NEIL2: variants seen among roughly 807,000 people sequenced by gnomAD.
NEIL2 encodes nei like DNA glycosylase 2.
In NEIL2, 23 loss-of-function variants were observed where a neutral mutation model predicts 22.2. The ratio of observed to expected loss-of-function variants is 1.04; its 90% CI spans 0.75 to 1.47. The LOEUF (loss-of-function observed/expected upper bound fraction) is 1.47. NEIL2 is among the 40% of genes most tolerant of loss of function. The pLI, the probability that NEIL2 is intolerant of heterozygous loss-of-function variation, is 0.00. For missense variants in NEIL2, 583 were observed against 404.7 expected (o/e 1.44, Z -3.78); for synonymous variants, 229 against 164.8 (o/e 1.39, Z -2.99).
chr8:11,783,818 G>T (rs1274650711), intron 4 of NEIL2, among the ~76,000 whole-genome samples: 1 of 152,196 alleles, frequency 6.6e-6, no homozygotes, highest in African/African-American at 2.4e-5. Flanking sequence ...TCTAAGGGAT[G>T]CTGCTCTTGG....
intron 2 of NEIL2, among the ~76,000 whole-genome samples, chr8:11,772,225 A>C (rs1452842864): frequency 2.0e-5 from 3 of 152,156 alleles, no homozygotes; most frequent in African/African-American, 7.2e-5. Context: ...AGAAAAGAGC[A>C]GAACCTTCAG....
chr8:11,772,740 T>C (rs1438302627), intron 2 of NEIL2, among the ~76,000 whole-genome samples: 1 of 152,186 alleles, frequency 6.6e-6, no homozygotes, highest in Non-Finnish European at 1.5e-5. Context: ...GCTCACGCGC[T>C]CTGCTGCTGC....
intron 2 of NEIL2, among the ~76,000 whole-genome samples, chr8:11,773,133 T>C (rs1585740282): frequency 6.6e-6 from 1 of 152,108 alleles, no homozygotes. Context: ...ACACTGTCCT[T>C]CGAGGTTTGC....
At chr8:11,771,375 T>A (rs941557754) in intron 1 of NEIL2, 71 bp from the exon 2 acceptor site, 42 of 1,594,848 alleles carry the variant, frequency 2.6e-5, no homozygotes, top group Non-Finnish European at 3.6e-5. Context: ...GGAGGATGCT[T>A]GGCACCTGTT....
At chr8:11,783,887 C>G (rs1585783840) in intron 4 of NEIL2, among the ~76,000 whole-genome samples, 1 of 152,196 alleles carries the variant, frequency 6.6e-6, no homozygotes, top group South Asian at 2.1e-4. Context: ...ACACTGGGTT[C>G]TTATGCGACG....
At chr8:11,780,947 C>T (rs980718706) in intron 3 of NEIL2, among the ~76,000 whole-genome samples, 1 of 152,056 alleles carries the variant, frequency 6.6e-6, no homozygotes, top group African/African-American at 2.4e-5. Context: ...CATGTGTTGC[C>T]AGTATTGTTT....
At position 11,770,208 on chromosome 8, in the gene NEIL2, A is replaced by G. The variant is rs1224476127; in HGVS notation, c.-130A>G. ...GAGGCGGCTTGCTTCCCACCTGTCC[A>G]TCTCCATAAAAATCCCTAAACGAAA... On this transcript the variant is annotated 5_prime_UTR_variant, in exon 1 of 5. Transcript: ENST00000284503. The G allele has an allele frequency of 3.9e-5, 6 of 152,256 alleles. No homozygotes were observed. Among genetic ancestry groups the G allele is most frequent in the East Asian group, 1.9e-4 (1 of 5,178 alleles). 9.4% of individuals were successfully genotyped at this position (152,256 alleles called of 1,614,324 possible).
chr8:11,785,814 C>T (rs1035910412), intron 4 of NEIL2, 149 bp from the exon 5 acceptor site: 4 of 771,260 alleles, frequency 5.2e-6, no homozygotes, highest in South Asian at 4.3e-5. Context: ...CTCCATTTTA[C>T]AGACAGAGAA....
At chr8:11,783,891 T>C (rs189568007) in intron 4 of NEIL2, among the ~76,000 whole-genome samples, 47 of 152,352 alleles carry the variant, frequency 3.1e-4, no homozygotes, top group African/African-American at 1.1e-3. Context: ...TGGGTTCTTA[T>C]GCGACGCGAG....
At position 11,787,073 on chromosome 8, in the gene NEIL2, G is replaced by A. The variant is rs1015387075; in HGVS notation, c.*800G>A. ...TCCAGGGATGAGGATAGAGTGGCCT[G>A]AGAGCAGTGCTTGGATTCAGCCTCC... On this transcript the variant is annotated 3_prime_UTR_variant, in exon 5 of 5. Coordinates refer to ENST00000284503, the MANE Select transcript of NEIL2 (RefSeq NM_145043.4). 3.3e-5 allele frequency: 5 copies of A among 152,716 alleles called. No individual in the cohort carries two copies. The highest frequency in any genetic ancestry group is 1.2e-4 in the African/African-American group (5 of 41,490). The allele number at this position is 152,716 out of a possible 1,614,324, so 9.5% of individuals were successfully genotyped here. A position where few individuals can be genotyped will look rare whatever the true frequency, so the allele number is the denominator to read the frequency against.
At position 11,779,624 on chromosome 8, in the gene NEIL2, A is replaced by G. The variant is rs2130498709; in HGVS notation, c.165A>G (p.Arg55=). 1 of 1,613,178 alleles carries G rather than the reference A, an allele frequency of 6.2e-7. No homozygotes were observed. The highest frequency in any genetic ancestry group is 8.5e-7 in the Non-Finnish European group (1 of 1,179,748). Residue 55 remains arginine, a synonymous_variant, in exon 3 of 5, where the codon AGA becomes AGG. Coordinates refer to ENST00000284503, the MANE Select transcript of NEIL2 (RefSeq NM_145043.4). ...TQVHGKKLFL[R]FDLDEEMGPP... ...TCCATGGAAAGAAATTATTCCTTAG[A>G]TTTGATCTAGATGAAGAAATGGGGC...
intron 4 of NEIL2, 81 bp downstream of exon 4, chr8:11,783,480 G>T: frequency 8.3e-7 from 1 of 1,198,524 alleles, no homozygotes; most frequent in Non-Finnish European, 1.2e-6. Context: ...AGACCTGAGG[G>T]CCACCCTAGT....
intron 2 of NEIL2, 142 bp downstream of exon 2, chr8:11,771,727 C>G: frequency 1.3e-6 from 1 of 786,924 alleles, no homozygotes. Context: ...CTCTTTCAGT[C>G]TCACGTGTCT....
chr8:11,784,404 T>G (rs942970546), intron 4 of NEIL2, among the ~76,000 whole-genome samples: 12 of 152,238 alleles, frequency 7.9e-5, no homozygotes, highest in African/African-American at 2.9e-4. Flanking sequence ...GTTATAGTGC[T>G]TTTCCCTTCC....
rs1332791243 is a variant in NEIL2, at chr8:11,770,076, C to G, written c.-262C>G. The G allele has an allele frequency of 6.6e-6, 1 of 152,132 alleles. No individual in the cohort carries two copies. The highest frequency in any genetic ancestry group is 2.4e-5 in the African/African-American group (1 of 41,422). The allele number at this position is 152,132 out of a possible 1,614,324, so 9.4% of individuals were successfully genotyped here. ...CTTCCCTGGCTGGCGCAGCGCCAGCCTCGAGCTCCTCGGTAGCCCCCGGGC... is the reference window on the plus strand; with the variant it reads ...CTTCCCTGGCTGGCGCAGCGCCAGCGTCGAGCTCCTCGGTAGCCCCCGGGC... On this transcript the variant is annotated 5_prime_UTR_variant, in exon 1 of 5. Coordinates refer to ENST00000284503, the MANE Select transcript of NEIL2 (RefSeq NM_145043.4).
chr8:11,780,538 C>G (rs1804319005), intron 3 of NEIL2, among the ~76,000 whole-genome samples: 2 of 152,112 alleles, frequency 1.3e-5, no homozygotes, highest in Admixed American at 6.5e-5. Context: ...TGCCACCACA[C>G]CGGCTAACTT....
chr8:11,786,548 C>G lies in NEIL2; in HGVS notation c.*275C>G, dbSNP rs1447720345. ...GTGATGATGGGTAAGGGGAAAACTT[C>G]CCGGAAGGCAATGGGGCAAGGAAAA... On this transcript the variant is annotated 3_prime_UTR_variant, in exon 5 of 5. Transcript: ENST00000284503. 6 of 516,258 alleles carry G rather than the reference C, an allele frequency of 1.2e-5. No individual in the cohort carries two copies. The highest frequency in any genetic ancestry group is 2.1e-5 in the Non-Finnish European group (6 of 285,942). The allele number at this position is 516,258 out of a possible 1,614,324, so 32.0% of individuals were successfully genotyped here. A position where few individuals can be genotyped will look rare whatever the true frequency, so the allele number is the denominator to read the frequency against.
intron 3 of NEIL2, chr8:11,782,932 T>G (rs1321926410): frequency 3.8e-6 from 2 of 524,644 alleles, no homozygotes; most frequent in African/African-American, 3.8e-5. Flanking sequence ...TATGTGTGTA[T>G]GATCCAGCCA....
In NEIL2 at chr8:11,777,875, C is replaced by T. The variant is rs8191597; in HGVS notation, c.139-1723C>T. On this transcript the variant is annotated intron_variant, in intron 2 of 4. Transcript: ENST00000284503. ...CATTTGCAATTGGCATTATTCCATT[C>T]AGGAGGCCAGAGCTCTATGGCCTAA... 1.7e-3 allele frequency among the ~76,000 whole-genome samples: 264 copies of T among 152,352 alleles called. 1 individual carries two copies. The highest frequency in any genetic ancestry group is 5.7e-3 in the African/African-American group (237 of 41,582).
Sources: allele counts gnomAD v4.1 joint callset (sites outside exome capture counted in the v4.1 genomes callset), GRCh38; gene constraint gnomAD v4.1.1; transcripts MANE v1.5; gene names NCBI Gene and HGNC (gene_info 2026-07-23, HGNC 2026-07-21).